Variants in PLXDC2 observed in about 807,000 individuals in gnomAD.
The protein encoded by PLXDC2 is plexin domain-containing protein 2.
PLXDC2 carries 40 observed loss-of-function variants against 68.9 expected under a neutral mutation model. The ratio of observed to expected loss-of-function variants is 0.58; its 90% CI spans 0.45 to 0.76. The LOEUF (loss-of-function observed/expected upper bound fraction) is 0.76. Ranked by LOEUF, PLXDC2 falls within the 30% of genes least tolerant of loss-of-function variation. PLXDC2 has a pLI of 0.00. For synonymous variants in PLXDC2, 243 were observed against 234.2 expected (o/e 1.04, Z -0.34); for missense variants, 644 against 661.9 (o/e 0.97, Z 0.30).
At chr10:19,858,239 A>T (rs370630522) in intron 1 of PLXDC2, among the ~76,000 whole-genome samples, 1 of 152,038 alleles carries the variant, frequency 6.6e-6, no homozygotes, top group South Asian at 2.1e-4. Context: ...CTCCTTCATC[A>T]CTCATTCTTT....
chr10:20,099,941 T>C (rs537827765), intron 4 of PLXDC2, among the ~76,000 whole-genome samples: 1 of 152,298 alleles, frequency 6.6e-6, no homozygotes, highest in East Asian at 1.9e-4. Context: ...CAAACCAGTA[T>C]GTATTAGTGA....
chr10:20,212,152 A>G (rs1835078110), intron 10 of PLXDC2, among the ~76,000 whole-genome samples: 1 of 151,938 alleles, frequency 6.6e-6, no homozygotes, highest in Non-Finnish European at 1.5e-5. Flanking sequence ...AGGGAATAGT[A>G]GGGCCAGGAT....
chr10:20,258,119 C>T (rs911905653), intron 13 of PLXDC2, among the ~76,000 whole-genome samples: 13 of 150,714 alleles, frequency 8.6e-5, no homozygotes, highest in African/African-American at 2.2e-4. Context: ...CTCCTGCCTC[C>T]GCCTCTCCAG....
In PLXDC2 at chr10:20,227,026, C is replaced by A. The variant is rs553960531; in HGVS notation, c.1312+7924C>A. 1.8e-4 allele frequency among the ~76,000 whole-genome samples: 28 copies of A among 152,072 alleles called. No individual in the cohort carries two copies. In the South Asian group the frequency reaches 5.0e-3, roughly 27 times the overall value. ...GTTCTACATGTGTAAAGTGATTATT[C>A]TTTTTTAAACGTGAAATGTCTAGTT... On this transcript the variant is annotated intron_variant, in intron 12 of 13. Coordinates refer to ENST00000377252, the MANE Select transcript of PLXDC2 (RefSeq NM_032812.9).
chr10:19,821,735 C>G (rs186066341), intron 1 of PLXDC2, among the ~76,000 whole-genome samples: 1 of 152,144 alleles, frequency 6.6e-6, no homozygotes, highest in South Asian at 2.1e-4. Context: ...AAATTTAAAA[C>G]GAACTTTGGA....
intron 9 of PLXDC2, among the ~76,000 whole-genome samples, chr10:20,185,358 T>C (rs992083112): frequency 1.3e-5 from 2 of 151,846 alleles, no homozygotes; most frequent in African/African-American, 4.8e-5. Flanking sequence ...CTAGCATATT[T>C]TGACTTTATC....
At chr10:19,935,238 C>T (rs1243172307) in intron 1 of PLXDC2, among the ~76,000 whole-genome samples, 1 of 152,190 alleles carries the variant, frequency 6.6e-6, no homozygotes, top group Non-Finnish European at 1.5e-5. Context: ...TCAGATGCTC[C>T]ACCATCAGCC....
At chr10:20,171,322 C>G (rs1352828863) in intron 7 of PLXDC2, among the ~76,000 whole-genome samples, 3 of 152,148 alleles carry the variant, frequency 2.0e-5, no homozygotes, top group African/African-American at 4.8e-5. Flanking sequence ...CTTACTTTTG[C>G]TCACCTCAAA....
At chr10:20,174,153 AC>A (rs58867166) in intron 7 of PLXDC2, among the ~76,000 whole-genome samples, 140,790 of 152,110 alleles carry the variant, frequency 0.93, 65,251 homozygotes, top group Non-Finnish European at 0.95. Flanking sequence ...AGACTCAAGA[AC>A]CCCCCCTCCT....
At chr10:20,237,807 A>G (rs1286887446) in intron 12 of PLXDC2, among the ~76,000 whole-genome samples, 1 of 152,210 alleles carries the variant, frequency 6.6e-6, no homozygotes, top group Non-Finnish European at 1.5e-5. Flanking sequence ...TCAGCCTCTC[A>G]GTTCCCCAAA....
At chr10:20,179,689 A>G (rs1262295826) in intron 9 of PLXDC2, among the ~76,000 whole-genome samples, 1 of 152,072 alleles carries the variant, frequency 6.6e-6, no homozygotes, top group Non-Finnish European at 1.5e-5. Flanking sequence ...CAAACAAGCA[A>G]TTTTGACATT....
At chr10:20,076,863 T>A (rs1836459445) in intron 4 of PLXDC2, among the ~76,000 whole-genome samples, 1 of 152,204 alleles carries the variant, frequency 6.6e-6, no homozygotes, top group African/African-American at 2.4e-5. Context: ...CTCTAAAGAC[T>A]GTCCCATGAT....
intron 1 of PLXDC2, among the ~76,000 whole-genome samples, chr10:19,880,347 T>A (rs1457791365): frequency 6.6e-6 from 1 of 152,272 alleles, no homozygotes; most frequent in Non-Finnish European, 1.5e-5. Context: ...CTATATGCAC[T>A]ATAATTTTTC....
intron 2 of PLXDC2, among the ~76,000 whole-genome samples, chr10:20,023,192 G>A (rs888897703): frequency 1.3e-5 from 2 of 150,716 alleles, no homozygotes. Flanking sequence ...GAAAAAGAAA[G>A]CATTAAAAAG....
At chr10:20,232,307 C>T (rs893495997) in intron 12 of PLXDC2, among the ~76,000 whole-genome samples, 11 of 152,050 alleles carry the variant, frequency 7.2e-5, no homozygotes, top group African/African-American at 2.7e-4. Flanking sequence ...AACTCTTTGG[C>T]AGTTTCTTAT....
intron 4 of PLXDC2, among the ~76,000 whole-genome samples, chr10:20,087,487 C>T (rs1833215839): frequency 6.6e-6 from 1 of 152,132 alleles, no homozygotes; most frequent in Non-Finnish European, 1.5e-5. Flanking sequence ...AACTTCCAGC[C>T]AATAAATACT....
intron 8 of PLXDC2, 51 bp from the exon 9 acceptor site, chr10:20,177,277 C>T (rs559900603): frequency 2.7e-6 from 4 of 1,460,696 alleles, no homozygotes; most frequent in Non-Finnish European, 3.8e-6. Context: ...ATCTCTTTCC[C>T]CTCCAAGTTG....
intron 1 of PLXDC2, among the ~76,000 whole-genome samples, chr10:19,842,342 C>T (rs983214323): frequency 3.9e-5 from 6 of 152,060 alleles, no homozygotes; most frequent in Non-Finnish European, 8.8e-5. Flanking sequence ...GATTCCAGGA[C>T]CTCTTAGCAT....
At chr10:19,987,100 A>G (rs1834654244) in intron 1 of PLXDC2, among the ~76,000 whole-genome samples, 2 of 152,212 alleles carry the variant, frequency 1.3e-5, no homozygotes, top group African/African-American at 2.4e-5. Context: ...GAGCAAAGCC[A>G]TTACCCACGT....
Sources: allele counts gnomAD v4.1 joint callset (sites outside exome capture counted in the v4.1 genomes callset), GRCh38; gene constraint gnomAD v4.1.1; transcripts MANE v1.5; gene names NCBI Gene and HGNC (gene_info 2026-07-23, HGNC 2026-07-21).